The following ACCSL variants were observed in gnomAD, a reference collection of about 807,000 sequenced individuals.
ACCSL encodes 1-aminocyclopropane-1-carboxylate synthase homolog (inactive) like.
In ACCSL, 55 loss-of-function variants were observed where a neutral mutation model predicts 61.7. The ratio of observed to expected loss-of-function variants is 0.89; its 90% confidence interval spans 0.72 to 1.12. ACCSL has a LOEUF of 1.12. ACCSL is among the 50% of genes most tolerant of loss of function. The probability of loss-of-function intolerance (pLI) is 0.00; values close to 1 mark genes in which losing one functional copy is unlikely to be tolerated. For missense variants in ACCSL, 632 were observed against 698.0 expected (o/e 0.91, Z 1.07); for synonymous variants, 258 against 264.3 (o/e 0.98, Z 0.23).
the ACCSL span, chr11:43,942,475 C>T: frequency 9.4e-6 from 2 of 212,950 alleles, no homozygotes; most frequent in Non-Finnish European, 2.0e-5. Context: ...GGGGGGCGGG[C>T]GGCGCCGGGG....
the ACCSL span, among the ~76,000 whole-genome samples, chr11:43,963,362 T>C: frequency 6.6e-6 from 1 of 152,200 alleles, no homozygotes; most frequent in Non-Finnish European, 1.5e-5. Flanking sequence ...TGACAAGCTT[T>C]CTCCAGTTAT....
the ACCSL span, among the ~76,000 whole-genome samples, chr11:43,963,177 G>A: frequency 6.6e-6 from 1 of 152,234 alleles, no homozygotes; most frequent in Non-Finnish European, 1.5e-5. Context: ...CCATGGAGAA[G>A]GGTTGAGTGT....
chr11:44,008,284 G>A, the ACCSL span, among the ~76,000 whole-genome samples: 1 of 152,212 alleles, frequency 6.6e-6, no homozygotes, highest in African/African-American at 2.4e-5. Flanking sequence ...AAATGTGACA[G>A]TTTTTCCCTG....
the ACCSL span, among the ~76,000 whole-genome samples, chr11:43,987,929 A>AC: frequency 1.1e-4 from 16 of 149,320 alleles, no homozygotes; most frequent in South Asian, 2.2e-4. Context: ...TTCTTCCCCC[A>AC]CCCCCCCGCA....
chr11:43,921,413 A>G, the ACCSL span, among the ~76,000 whole-genome samples: 4 of 152,248 alleles, frequency 2.6e-5, no homozygotes, highest in Non-Finnish European at 5.9e-5. Flanking sequence ...TCTCTAAGAA[A>G]TATGAAATAC....
At chr11:43,992,054 C>CTTTTT in the ACCSL span, among the ~76,000 whole-genome samples, 43 of 114,142 alleles carry the variant, frequency 3.8e-4, no homozygotes, top group South Asian at 8.3e-4. Context: ...TTCTTTCTTT[C>CTTTTT]TTTTTTTTTT....
Position 44,051,647 on chromosome 11 carries a change from C to A in ACCSL, c.706-6C>A. On this transcript the variant is annotated splice_polypyrimidine_tract_variant and splice_region_variant and intron_variant, in intron 4 of 13. Transcript: ENST00000378832. ...TTGACTTCTGCCTCTCATGTGTTGTCTTCAGGTGGTGGTTCTAAATGGCTG... is the reference window on the plus strand; with the variant it reads ...TTGACTTCTGCCTCTCATGTGTTGTATTCAGGTGGTGGTTCTAAATGGCTG... The A allele has an allele frequency of 1.9e-6, 3 of 1,614,136 alleles. No homozygotes were observed. Among genetic ancestry groups the A allele is most frequent in the East Asian group, 2.2e-5 (1 of 44,878 alleles).
At chr11:44,039,925 C>T in the ACCSL span, among the ~76,000 whole-genome samples, 1 of 152,246 alleles carries the variant, frequency 6.6e-6, no homozygotes, top group East Asian at 1.9e-4. Flanking sequence ...TGCCCTATCA[C>T]TTTAGCATAT....
At chr11:43,932,082 G>T in the ACCSL span, among the ~76,000 whole-genome samples, 1 of 152,132 alleles carries the variant, frequency 6.6e-6, no homozygotes, top group African/African-American at 2.4e-5. Flanking sequence ...AACCTTAAAT[G>T]ACAGGGCATC....
chr11:44,004,694 C>T, the ACCSL span, among the ~76,000 whole-genome samples: 6 of 152,132 alleles, frequency 3.9e-5, no homozygotes, highest in Admixed American at 1.3e-4. Flanking sequence ...TCCATCTGCC[C>T]GCCCTATCCT....
chr11:44,012,706 G>T, the ACCSL span, among the ~76,000 whole-genome samples: 2 of 152,218 alleles, frequency 1.3e-5, no homozygotes, highest in East Asian at 1.9e-4. Context: ...GAAGTTGTGT[G>T]CAGAGATAGA....
At chr11:44,024,129 C>T in the ACCSL span, among the ~76,000 whole-genome samples, 6 of 152,126 alleles carry the variant, frequency 3.9e-5, no homozygotes, top group East Asian at 9.6e-4. Flanking sequence ...TGTAGGTGGG[C>T]ATCATCAGTC....
chr11:44,052,850 C>A, intron 6 of ACCSL, 91 bp downstream of exon 6: 2 of 1,474,954 alleles, frequency 1.4e-6, no homozygotes, highest in South Asian at 1.1e-5. Flanking sequence ...GCTTTCTACC[C>A]ATCTAAGTGG....
At chr11:44,050,166 T>G in intron 2 of ACCSL, 45 bp downstream of exon 2, 2 of 1,523,654 alleles carry the variant, frequency 1.3e-6, no homozygotes, top group African/African-American at 1.4e-5. Context: ...CTTCAAGGCT[T>G]AGTCCCCCTA....
At chr11:43,937,454 A>C in the ACCSL span, among the ~76,000 whole-genome samples, 3 of 152,222 alleles carry the variant, frequency 2.0e-5, no homozygotes, top group Admixed American at 6.5e-5. Context: ...AAGCTCACAC[A>C]GTAAGTTCTG....
chr11:43,987,929 AC>A, the ACCSL span, among the ~76,000 whole-genome samples: 5 of 149,214 alleles, frequency 3.4e-5, no homozygotes, highest in South Asian at 8.6e-4. Flanking sequence ...TTCTTCCCCC[AC>A]CCCCCCGCAG....
the ACCSL span, among the ~76,000 whole-genome samples, chr11:44,005,024 C>T: frequency 1.3e-5 from 2 of 152,062 alleles, no homozygotes; most frequent in Non-Finnish European, 2.9e-5. Flanking sequence ...GTGAGGTTGG[C>T]CTTGTCTTCA....
the ACCSL span, among the ~76,000 whole-genome samples, chr11:44,036,921 A>G: frequency 6.6e-6 from 1 of 151,994 alleles, no homozygotes; most frequent in East Asian, 1.9e-4. Flanking sequence ...CACTGGCTGC[A>G]CCTCTGTGCC....
At chr11:44,055,907 T>A (rs1952668023) in intron 9 of ACCSL, 133 bp from the exon 10 acceptor site, 1 of 1,017,252 alleles carries the variant, frequency 9.8e-7, no homozygotes, top group African/African-American at 1.6e-5. Flanking sequence ...CTGGGACAAC[T>A]GTTTCTTGAG....
Sources: allele counts gnomAD v4.1 joint callset (sites outside exome capture counted in the v4.1 genomes callset), GRCh38; gene constraint gnomAD v4.1.1; transcripts MANE v1.5; gene names NCBI Gene and HGNC (gene_info 2026-07-23, HGNC 2026-07-21).